The following FNIP1 variants were observed in gnomAD, a reference collection of about 807,000 sequenced individuals.
FNIP1 encodes folliculin interacting protein 1, also known as folliculin-interacting protein 1.
Under a neutral mutation model 124.5 loss-of-function variants are expected in FNIP1, and 40 were observed. The observed-to-expected ratio is 0.32, with a 90% CI of 0.25 to 0.42. The LOEUF is 0.42. Among genes scored for constraint, FNIP1 ranks in the 10% least tolerant of loss-of-function variants. The pLI, the probability that FNIP1 is intolerant of heterozygous loss-of-function variation, is 1.00. For synonymous variants in FNIP1, 472 were observed against 470.6 expected (o/e 1.00, Z -0.04); for missense variants, 1,176 against 1,403.7 (o/e 0.84, Z 2.59).
intron 2 of FNIP1, among the ~76,000 whole-genome samples, chr5:131,736,550 T>C (rs527444129): frequency 6.6e-6 from 1 of 152,232 alleles, no homozygotes; most frequent in South Asian, 2.1e-4. Context: ...TGGCAAGAGG[T>C]GAGCAGTGGG....
rs912708235 is a variant in FNIP1 at position 131,736,518 on chromosome 5, G to T, written c.220-5480C>A. ...GGCTGCAGACCAGTACCAGTCCATG[G>T]CCTGTTAGGAACCAGGCCACATGGC... On this transcript the variant is annotated intron_variant, in intron 2 of 17. Coordinates refer to ENST00000510461, the MANE Select transcript of FNIP1 (RefSeq NM_133372.3). Among the ~76,000 whole-genome samples, 6 of 152,192 alleles carry T rather than the reference G, an allele frequency of 3.9e-5. No individual in the cohort carries two copies. In the East Asian group the frequency reaches 9.6e-4, roughly 24 times the overall value.
chr5:131,793,034 ATCTTT>A (rs1316118162), intron 1 of FNIP1, among the ~76,000 whole-genome samples: 1 of 152,104 alleles, frequency 6.6e-6, no homozygotes, highest in Non-Finnish European at 1.5e-5. Flanking sequence ...ATTTAAAACA[ATCTTT>A]TTTTTTGAGA....
chr5:131,680,081 G>A (rs1476165709), intron 11 of FNIP1, among the ~76,000 whole-genome samples: 1 of 152,204 alleles, frequency 6.6e-6, no homozygotes, highest in East Asian at 1.9e-4. Flanking sequence ...GCCACTAGCT[G>A]TATGTGGTTA....
intron 11 of FNIP1, among the ~76,000 whole-genome samples, chr5:131,689,173 GA>G (rs1219223188): frequency 6.7e-6 from 1 of 148,450 alleles, no homozygotes; most frequent in Admixed American, 6.7e-5. Flanking sequence ...AGAGACTGGA[GA>G]AAAATGGTTA....
intron 1 of FNIP1, among the ~76,000 whole-genome samples, chr5:131,788,694 C>CA (rs10715343): frequency 0.014 from 794 of 57,438 alleles, 16 homozygotes; most frequent in East Asian, 0.06. Context: ...GACTCTGTCT[C>CA]AAAAAAAAAA....
At chr5:131,655,942 C>CA (rs905412265) in intron 15 of FNIP1, among the ~76,000 whole-genome samples, 17 of 148,612 alleles carry the variant, frequency 1.1e-4, no homozygotes, top group East Asian at 4.0e-4. Context: ...CAAAACAAAA[C>CA]AAAAAAAAAA....
intron 2 of FNIP1, among the ~76,000 whole-genome samples, chr5:131,736,955 C>T (rs1580798012): frequency 6.6e-6 from 1 of 152,116 alleles, no homozygotes; most frequent in Non-Finnish European, 1.5e-5. Context: ...GAACTTGCAA[C>T]TTATTTGTGA....
intron 2 of FNIP1, among the ~76,000 whole-genome samples, chr5:131,741,837 T>C (rs183586479): frequency 1.8e-3 from 272 of 152,296 alleles, no homozygotes; most frequent in South Asian, 4.3e-3. Flanking sequence ...CTCAAACATA[T>C]TGAGTGAGCC....
At chr5:131,709,825 A>G (rs574717848) in intron 7 of FNIP1, among the ~76,000 whole-genome samples, 1 of 152,242 alleles carries the variant, frequency 6.6e-6, no homozygotes, top group East Asian at 1.9e-4. Context: ...ACAAATATAT[A>G]TTTTTTATAT....
At chr5:131,679,757 T>C (rs1392252667) in intron 11 of FNIP1, among the ~76,000 whole-genome samples, 2 of 152,234 alleles carry the variant, frequency 1.3e-5, no homozygotes, top group African/African-American at 4.8e-5. Flanking sequence ...AAAAAGATTA[T>C]CACACAATTA....
rs1396126447 is a variant in FNIP1, at chr5:131,744,547, T to C, written c.219+17A>G. 1.0e-5 allele frequency: 16 copies of C among 1,573,706 alleles called. No individual in the cohort carries two copies. The highest frequency in any genetic ancestry group is 1.4e-5 in the Non-Finnish European group (16 of 1,159,274). On this transcript the variant is annotated intron_variant, in intron 2 of 17. Transcript: ENST00000510461. ...TGTTCAACATTAAAAGTCAACCAAA[T>C]CAATAATGATGCTCACCGATACTGA...
intron 13 of FNIP1, among the ~76,000 whole-genome samples, chr5:131,675,529 A>G (rs1767884829): frequency 6.6e-6 from 1 of 152,222 alleles, no homozygotes; most frequent in Admixed American, 6.5e-5. Flanking sequence ...ATGGAATACT[A>G]CTCAGCATTA....
Position 131,709,255 on chromosome 5 carries a change from C to T in FNIP1, c.724G>A (p.Asp242Asn). Residue 242 changes from aspartate to asparagine, a missense_variant, in exon 8 of 18, where the codon GAC becomes AAC. Transcript: ENST00000510461. ...TCATTGAGCTCTCTTCCAGGCATGT[C>T]CATTGGGTTGCTGTGAACTATAAAT... is the stretch of plus-strand genomic sequence containing the variant. ...SFFAVHSNPM[D>N]MPGRELNEDR... The T allele has an allele frequency of 6.2e-7, 1 of 1,613,980 alleles. No homozygotes were observed. The highest frequency in any genetic ancestry group is 1.1e-5 in the South Asian group (1 of 91,088).
At position 131,644,444 on chromosome 5, in the gene FNIP1, T is replaced by C. The variant is rs1232835068; in HGVS notation, c.*241A>G. ...CGTACACTTTGGCTTTTTCAAATGC[T>C]TCAAAATTATTGTTGCTTTAATTTC... On this transcript the variant is annotated 3_prime_UTR_variant, in exon 18 of 18. Transcript: ENST00000510461. The C allele has an allele frequency of 2.9e-6, 1 of 342,134 alleles. No individual in the cohort carries two copies. Among genetic ancestry groups the C allele is most frequent in the African/African-American group, 2.2e-5 (1 of 46,442 alleles). The allele number at this position is 342,134 out of a possible 1,614,324, so 21.2% of individuals were successfully genotyped here.
In FNIP1 at chr5:131,721,337, T is replaced by C. The variant is rs866050300; in HGVS notation, c.355-1920A>G. ...GAATGGTAGTTACCAGGGGCTGGGG[T>C]GAGGGGGAAATGGGGAGTTACTAAT... On this transcript the variant is annotated intron_variant, in intron 3 of 17. Transcript: ENST00000510461. 2.6e-5 allele frequency among the ~76,000 whole-genome samples: 4 copies of C among 151,830 alleles called. No homozygotes were observed. In the South Asian group the frequency reaches 6.3e-4, roughly 24 times the overall value.
At chr5:131,742,738 C>T (rs1417302011) in intron 2 of FNIP1, among the ~76,000 whole-genome samples, 1 of 152,010 alleles carries the variant, frequency 6.6e-6, no homozygotes, top group Non-Finnish European at 1.5e-5. Flanking sequence ...ATGTATGAAC[C>T]CAAATTATAA....
intron 15 of FNIP1, among the ~76,000 whole-genome samples, chr5:131,665,928 G>T (rs1257935199): frequency 7.3e-6 from 1 of 136,986 alleles, no homozygotes; most frequent in African/African-American, 2.8e-5. Context: ...TTGAGACGGA[G>T]TCTCGCTCTG....
chr5:131,693,333 C>CATATATATATATATACATATAT (rs1768564344), intron 11 of FNIP1, among the ~76,000 whole-genome samples: 2 of 50,154 alleles, frequency 4.0e-5, no homozygotes, highest in African/African-American at 1.4e-4. Context: ...TATATATATA[C>CATATATATATATATACATATAT]ATATATATAT....
chr5:131,671,434 A>C lies in FNIP1; in HGVS notation c.2939+71T>G. 2.4e-6 allele frequency: 3 copies of C among 1,227,392 alleles called. No individual in the cohort carries two copies. In the East Asian group the frequency reaches 7.0e-5, roughly 29 times the overall value. The allele number at this position is 1,227,392 out of a possible 1,614,324, so 76.0% of individuals were successfully genotyped here. A position where few individuals can be genotyped will look rare whatever the true frequency, so the allele number is the denominator to read the frequency against. ...AATGATCTCTTTTATACTAACCTTC[A>C]GAGAACAGCTAAAAAAGAGAATGGT... On this transcript the variant is annotated intron_variant, in intron 14 of 17. Transcript: ENST00000510461.
Sources: gnomAD v4.1 joint callset for allele counts (sites outside exome capture counted in the v4.1 genomes callset) on GRCh38, gnomAD v4.1.1 for gene constraint, MANE v1.5 for transcripts, NCBI Gene and HGNC (gene_info 2026-07-23, HGNC 2026-07-21) for gene names.